The following TRIM9 variants were observed in gnomAD, a reference collection of about 807,000 sequenced individuals.
TRIM9 encodes tripartite motif containing 9, also known as E3 ubiquitin-protein ligase TRIM9.
A neutral mutation model predicts 78.3 loss-of-function variants in TRIM9; 26 were observed. That is an observed-to-expected ratio of 0.33 (90% CI 0.24 to 0.46). The LOEUF (loss-of-function observed/expected upper bound fraction) is 0.46, where lower values mean the gene tolerates loss of function less well. Ranked by LOEUF, TRIM9 falls within the 20% of genes least tolerant of loss-of-function variation. The pLI, the probability that TRIM9 is intolerant of heterozygous loss-of-function variation, is 1.00. For missense variants in TRIM9, 787 were observed against 1,036.4 expected (o/e 0.76, Z 3.30); for synonymous variants, 398 against 416.5 (o/e 0.96, Z 0.54).
At chr14:51,035,781 C>G (rs1056459340) in intron 1 of TRIM9, among the ~76,000 whole-genome samples, 8 of 152,192 alleles carry the variant, frequency 5.3e-5, no homozygotes, top group Non-Finnish European at 7.3e-5. Flanking sequence ...TAGTCCATCT[C>G]TGGAATGTAA....
At chr14:51,052,072 G>C (rs1040527167) in intron 1 of TRIM9, among the ~76,000 whole-genome samples, 4 of 151,714 alleles carry the variant, frequency 2.6e-5, no homozygotes, top group Non-Finnish European at 1.5e-5. Flanking sequence ...GAGGAGAAGA[G>C]AAGAGAGAAA....
At chr14:51,014,177 C>T (rs1443113045) in intron 3 of TRIM9, among the ~76,000 whole-genome samples, 2 of 152,214 alleles carry the variant, frequency 1.3e-5, no homozygotes, top group South Asian at 4.1e-4. Context: ...AAATACATTA[C>T]TCAGTCCTCA....
chr14:51,035,795 C>A (rs1244138141), intron 1 of TRIM9, among the ~76,000 whole-genome samples: 4 of 152,192 alleles, frequency 2.6e-5, no homozygotes, highest in Non-Finnish European at 5.9e-5. Context: ...AATGTAAAAT[C>A]CAATATTTAC....
intron 1 of TRIM9, among the ~76,000 whole-genome samples, chr14:51,061,099 A>C (rs183943528): frequency 6.6e-6 from 1 of 152,230 alleles, no homozygotes; most frequent in East Asian, 1.9e-4. Context: ...TGTCTGCTCG[A>C]GTATTTTGTC....
intron 1 of TRIM9, among the ~76,000 whole-genome samples, chr14:51,050,645 G>T (rs1247723684): frequency 2.0e-5 from 3 of 152,154 alleles, no homozygotes; most frequent in South Asian, 2.1e-4. Context: ...CCAACCAAAA[G>T]AATATGACAG....
intron 3 of TRIM9, among the ~76,000 whole-genome samples, chr14:51,022,081 T>G (rs138367073): frequency 1.8e-4 from 28 of 152,382 alleles, no homozygotes; most frequent in Non-Finnish European, 2.6e-4. Flanking sequence ...TTAGAATTTT[T>G]CTTAGCACTT....
chr14:51,027,328 G>C (rs776696007), intron 1 of TRIM9, among the ~76,000 whole-genome samples: 1 of 151,970 alleles, frequency 6.6e-6, no homozygotes, highest in African/African-American at 2.4e-5. Flanking sequence ...ATTTTTAGTA[G>C]AGATGGGGTT....
chr14:51,040,199 C>G (rs2059473032), intron 1 of TRIM9, among the ~76,000 whole-genome samples: 1 of 152,092 alleles, frequency 6.6e-6, no homozygotes, highest in African/African-American at 2.4e-5. Flanking sequence ...TTCAGTTGGA[C>G]CTCTGAATTT....
intron 1 of TRIM9, among the ~76,000 whole-genome samples, chr14:51,078,719 A>G (rs2063034138): frequency 6.6e-6 from 1 of 152,220 alleles, no homozygotes; most frequent in Non-Finnish European, 1.5e-5. Flanking sequence ...ACAGAGATAG[A>G]GAATAAAATA....
rs1293207562 is a variant in TRIM9, at chr14:51,071,288, A to AT, written c.822+22829dup. ...CTACTCTGGAGGCTGAGGCAGGGGAATTGCTTGAACCCGGGAGGTGGAGGT... is the reference window on the plus strand; with the variant it reads ...CTACTCTGGAGGCTGAGGCAGGGGAATTTGCTTGAACCCGGGAGGTGGAGGT... On this transcript the variant is annotated intron_variant, in intron 1 of 12. Coordinates refer to ENST00000684578, the MANE Select transcript of TRIM9 (RefSeq NM_001387360.1). 1.8e-4 allele frequency among the ~76,000 whole-genome samples: 27 copies of AT among 148,838 alleles called. 1 individual carries two copies. Among genetic ancestry groups the AT allele is most frequent in the Admixed American group, 1.7e-3 (26 of 14,904 alleles).
At chr14:51,025,738 C>T (rs1287634187) in intron 1 of TRIM9, among the ~76,000 whole-genome samples, 1 of 135,290 alleles carries the variant, frequency 7.4e-6, no homozygotes, top group Non-Finnish European at 1.6e-5. Flanking sequence ...CGTTACTTAG[C>T]ACAAAGGGCT....
chr14:50,997,102 T>A (rs1334362031), intron 7 of TRIM9: 1 of 985,156 alleles, frequency 1.0e-6, no homozygotes, highest in Non-Finnish European at 1.2e-6. Context: ...CCCGGTGAGG[T>A]GGGGGGGTGA....
At chr14:50,986,688 C>A (rs2139360142) in intron 7 of TRIM9, among the ~76,000 whole-genome samples, 1 of 152,286 alleles carries the variant, frequency 6.6e-6, no homozygotes, top group East Asian at 1.9e-4. Context: ...CAGACTCTAT[C>A]TTTGAATAGG....
intron 3 of TRIM9, among the ~76,000 whole-genome samples, chr14:51,019,783 G>A (rs2057571159): frequency 6.6e-6 from 1 of 152,076 alleles, no homozygotes; most frequent in Non-Finnish European, 1.5e-5. Context: ...ATAAACTTTT[G>A]AGCCACAGAC....
chr14:51,086,607 G>T (rs1295314144), intron 1 of TRIM9, among the ~76,000 whole-genome samples: 1 of 152,202 alleles, frequency 6.6e-6, no homozygotes, highest in African/African-American at 2.4e-5. Context: ...CTATGGAATT[G>T]AGTTATTAGG....
intron 1 of TRIM9, among the ~76,000 whole-genome samples, chr14:51,051,272 G>C (rs1409024577): frequency 6.6e-6 from 1 of 152,204 alleles, no homozygotes; most frequent in Non-Finnish European, 1.5e-5. Flanking sequence ...AACAGTGAGA[G>C]AGGGGAGAGA....
At chr14:51,070,839 T>C (rs79661714) in intron 1 of TRIM9, among the ~76,000 whole-genome samples, 37,908 of 152,088 alleles carry the variant, frequency 0.25, 5,000 homozygotes, top group African/African-American at 0.32. Context: ...AATATGCACA[T>C]CTTGCTTGTA....
At chr14:50,988,468 C>G (rs764608782) in intron 7 of TRIM9, 3 of 152,102 alleles carry the variant, frequency 2.0e-5, no homozygotes, top group Non-Finnish European at 4.4e-5. Context: ...TATGGCTCTT[C>G]CTATCCTTCC....
chr14:51,050,306 C>T (rs2060294138), intron 1 of TRIM9, among the ~76,000 whole-genome samples: 1 of 152,060 alleles, frequency 6.6e-6, no homozygotes, highest in Non-Finnish European at 1.5e-5. Flanking sequence ...GGGCAGTTTT[C>T]CCCATACTGT....
Sources: allele counts gnomAD v4.1 joint callset (sites outside exome capture counted in the v4.1 genomes callset), GRCh38; gene constraint gnomAD v4.1.1; transcripts MANE v1.5; gene names NCBI Gene and HGNC (gene_info 2026-07-23, HGNC 2026-07-21).